TCTN1: variants seen among roughly 807,000 people sequenced by gnomAD.
TCTN1 encodes tectonic family member 1, also known as tectonic-1.
Under a neutral mutation model 65.8 loss-of-function variants are expected in TCTN1, and 58 were observed. The observed-to-expected ratio is 0.88, with a 90% CI of 0.71 to 1.10. TCTN1 has a LOEUF of 1.10. TCTN1 is among the 50% of genes least tolerant of loss of function. TCTN1 has a pLI of 0.00. For synonymous variants in TCTN1, 273 were observed against 289.1 expected, an observed-to-expected ratio of 0.94 and a Z score of 0.57; for missense variants, 645 against 719.4, an observed-to-expected ratio of 0.90 and a Z score of 1.18.
chr12:110,649,004 G>A (rs1273778985), intron 14 of TCTN1, 39 bp from the exon 15 acceptor site: 3 of 463,270 alleles, frequency 6.5e-6, no homozygotes, highest in Non-Finnish European at 1.3e-5. Context: ...TTTCTAGAAT[G>A]GGGTGGCAGC....
At chr12:110,626,631 G>A (rs1169532630) in intron 3 of TCTN1, 139 bp downstream of exon 3, 8 of 856,214 alleles carry the variant, frequency 9.3e-6, no homozygotes, top group Admixed American at 5.0e-5. Context: ...CCAGGCTGGC[G>A]TGCAGTGGCG....
intron 3 of TCTN1, among the ~76,000 whole-genome samples, chr12:110,627,485 T>G (rs1334075705): frequency 6.6e-6 from 1 of 152,194 alleles, no homozygotes; most frequent in East Asian, 1.9e-4. Flanking sequence ...GGAAGTAACT[T>G]TATAGACCTG....
intron 10 of TCTN1, 82 bp downstream of exon 10, chr12:110,641,709 C>A: frequency 2.1e-6 from 3 of 1,401,180 alleles, no homozygotes; most frequent in East Asian, 2.3e-5. Flanking sequence ...CGCTGAGGCT[C>A]CCCTGGGCTG....
chr12:110,636,179 C>T, intron 6 of TCTN1: 1 of 372,622 alleles, frequency 2.7e-6, no homozygotes, highest in East Asian at 6.5e-5. Context: ...GTGCTTATGG[C>T]CGTGAGACCA....
At chr12:110,621,257 A>G (rs898898498) in intron 2 of TCTN1, among the ~76,000 whole-genome samples, 4 of 152,284 alleles carry the variant, frequency 2.6e-5, no homozygotes, top group South Asian at 2.1e-4. Context: ...AAGAAGTACA[A>G]TGGGTTTTTC....
chr12:110,636,334 G>C, intron 6 of TCTN1, 147 bp from the exon 7 acceptor site: 5 of 599,238 alleles, frequency 8.3e-6, no homozygotes, highest in South Asian at 8.2e-5. Context: ...ATGCAGATGG[G>C]GAGTCTTGAT....
chr12:110,640,387 C>T lies in TCTN1; in HGVS notation c.848C>T (p.Pro283Leu), dbSNP rs2066876187. Residue 283 changes from proline to leucine, a missense_variant, in exon 8 of 15, where the codon CCT becomes CTT. Coordinates refer to ENST00000397659, the MANE Select transcript of TCTN1 (RefSeq NM_001082538.3). The surrounding 1 kb of genome is among the most constrained non-coding windows in gnomAD (Gnocchi z 4.9). ...CTCCAGGTCTTCACTCTGCAGGTCC[C>T]TATCACTGTTCAGTCCATCGTCATT... ...LRVPDSRKKVPITVQSIVIQS... is the reference protein window; with the variant it reads ...LRVPDSRKKVLITVQSIVIQS... The T allele has an allele frequency of 6.2e-7, 1 of 1,614,142 alleles. No homozygotes were observed. The highest frequency in any genetic ancestry group is 8.5e-7 in the Non-Finnish European group (1 of 1,180,024).
intron 3 of TCTN1, among the ~76,000 whole-genome samples, chr12:110,627,439 T>C (rs1318816578): frequency 2.0e-5 from 3 of 152,188 alleles, no homozygotes; most frequent in African/African-American, 7.2e-5. Flanking sequence ...GCTATATGTA[T>C]AGTGTATATC....
chr12:110,641,613 C>T lies in TCTN1; in HGVS notation c.1176C>T (p.Phe392=). The T allele has an allele frequency of 6.2e-7, 1 of 1,614,186 alleles. No individual in the cohort carries two copies. Among genetic ancestry groups the T allele is most frequent in the Non-Finnish European group, 8.5e-7 (1 of 1,180,002 alleles). The part of the protein sequence containing the change: ...YVVGLPLAAG[F]QPHKGSGIIQ... ...TGGGGCTCCCATTAGCTGCTGGATT[C>T]CAGCCTCATAAGGGATATCCTTTTT... The change falls in exon 10 of 15, where the codon TTC becomes TTT. Residue 392 remains phenylalanine (F), a synonymous_variant. Coordinates refer to ENST00000397659, the MANE Select transcript of TCTN1 (RefSeq NM_001082538.3).
chr12:110,630,960 T>C (rs1441662747), intron 4 of TCTN1, among the ~76,000 whole-genome samples: 1 of 151,820 alleles, frequency 6.6e-6, no homozygotes, highest in Non-Finnish European at 1.5e-5. Context: ...AGAGCTGCGT[T>C]GTTGTTGTTG....
chr12:110,641,430 T>A, intron 9 of TCTN1, 112 bp from the exon 10 acceptor site: 1 of 1,107,402 alleles, frequency 9.0e-7, no homozygotes, highest in Non-Finnish European at 1.4e-6. Flanking sequence ...GAGGGAGAAA[T>A]TCTTTTATTG....
At chr12:110,634,283 G>T in intron 5 of TCTN1, 1 of 411,596 alleles carries the variant, frequency 2.4e-6, no homozygotes, top group South Asian at 1.8e-5. Flanking sequence ...ACTGGTGGTA[G>T]CTGGGGGGCA....
chr12:110,617,886 GCCT>G (rs1423613336), intron 1 of TCTN1, among the ~76,000 whole-genome samples: 2 of 151,958 alleles, frequency 1.3e-5, no homozygotes, highest in Non-Finnish European at 2.9e-5. Context: ...TGATCCACCT[GCCT>G]CAGCCTCCCA....
chr12:110,634,690 G>GT lies in TCTN1; in HGVS notation c.735dup (p.Lys246Ter), dbSNP rs1286814947. The GT allele has an allele frequency of 6.2e-7, 1 of 1,610,346 alleles. No individual in the cohort carries two copies. The highest frequency in any genetic ancestry group is 8.5e-7 in the Non-Finnish European group (1 of 1,178,152). ...TCTAGCGTTTCTGGTGAACCAGGCT[G>GT]TTAAGTGCACCAGAAAAATAAATTT... On this transcript the variant is annotated frameshift_variant, in exon 6 of 15. Coordinates refer to ENST00000397659, the MANE Select transcript of TCTN1 (RefSeq NM_001082538.3). LOFTEE classifies it high-confidence loss of function.
intron 11 of TCTN1, 112 bp downstream of exon 11, chr12:110,642,501 GCCA>G: frequency 6.9e-7 from 1 of 1,449,876 alleles, no homozygotes. Context: ...TCACATGAAA[GCCA>G]CATATAGTAT....
Position 110,626,454 on chromosome 12 carries a change from A to G in TCTN1, c.434A>G (p.Gln145Arg), listed in dbSNP as rs942068599. 2 of 1,612,416 alleles carry G rather than the reference A, an allele frequency of 1.2e-6. No individual in the cohort carries two copies. The highest frequency in any genetic ancestry group is 1.3e-5 in the African/African-American group (1 of 74,908). ...PPQRVFELVDQINPSIFCIHI... is the reference protein window; with the variant it reads ...PPQRVFELVDRINPSIFCIHI... ...CAAAGAGTATTTGAACTTGTTGACC[A>G]GATTAATCCATCTATTTTCTGCATT... is the stretch of plus-strand genomic sequence containing the variant. Residue 145 changes from glutamine (Q) to arginine (R), a missense_variant, in exon 3 of 15, where the codon CAG (glutamine) becomes CGG (arginine). Coordinates refer to ENST00000397659, the MANE Select transcript of TCTN1 (RefSeq NM_001082538.3).
chr12:110,616,276 G>A, intron 1 of TCTN1: 1 of 446,220 alleles, frequency 2.2e-6, no homozygotes, highest in Non-Finnish European at 4.5e-6. Flanking sequence ...TTTGGTCACA[G>A]GGTCTCACTC....
chr12:110,630,273 T>G (rs1419075768), intron 4 of TCTN1: 1 of 152,254 alleles, frequency 6.6e-6, no homozygotes, highest in Non-Finnish European at 1.5e-5. Context: ...GATTTAAGGT[T>G]GTTTATTCTG....
At chr12:110,641,203 A>G in intron 9 of TCTN1, 54 bp downstream of exon 9, 1 of 1,611,742 alleles carries the variant, frequency 6.2e-7, no homozygotes, top group South Asian at 1.1e-5. Context: ...AAAAGAAATA[A>G]TGACTTCTCA....
Sources: gnomAD v4.1 joint callset for allele counts (sites outside exome capture counted in the v4.1 genomes callset) on GRCh38, gnomAD v4.1.1 for gene constraint, Gnocchi (gnomAD v3.1) non-coding constraint, MANE v1.5 for transcripts, NCBI Gene and HGNC (gene_info 2026-07-23, HGNC 2026-07-21) for gene names.